GRIK4: variants seen among roughly 807,000 people sequenced by gnomAD.
GRIK4 encodes glutamate receptor ionotropic, kainate 4.
GRIK4 carries 40 observed loss-of-function variants against 104.9 expected under a neutral mutation model. That is an observed-to-expected ratio of 0.38 (90% confidence interval 0.30 to 0.50). The LOEUF is 0.50. Ranked by LOEUF, GRIK4 falls within the 20% of genes least tolerant of loss-of-function variation. The pLI is 0.93. For missense variants in GRIK4, 1,047 were observed against 1,308.1 expected (o/e 0.80, Z 3.08); for synonymous variants, 485 against 524.9 (o/e 0.92, Z 1.04).
intron 1 of GRIK4, among the ~76,000 whole-genome samples, chr11:120,618,611 G>A (rs1949144626): frequency 6.6e-6 from 1 of 152,210 alleles, no homozygotes; most frequent in African/African-American, 2.4e-5. Flanking sequence ...GGTGTCGTGG[G>A]CCAGGCCCAG....
chr11:120,539,544 A>G (rs898969353), intron 1 of GRIK4, among the ~76,000 whole-genome samples: 5 of 152,200 alleles, frequency 3.3e-5, no homozygotes, highest in African/African-American at 4.8e-5. Flanking sequence ...CCATGTGGCC[A>G]TCGGCTGTGA....
chr11:120,796,221 GAGA>G (rs1433607483), intron 3 of GRIK4, among the ~76,000 whole-genome samples: 2 of 151,988 alleles, frequency 1.3e-5, no homozygotes, highest in Admixed American at 1.3e-4. Context: ...ATTTTTAGTA[GAGA>G]CGGGGTTTCA....
chr11:120,907,718 G>A lies in GRIK4; in HGVS notation c.1476+2225G>A, dbSNP rs557855760. ...GTGCAGGGGAGGCAGAGTGGAAGGC[G>A]TTGTAGGAGAACATCTAGAGGAGAG... On this transcript the variant is annotated intron_variant, in intron 13 of 20. Coordinates refer to ENST00000527524, the MANE Select transcript of GRIK4 (RefSeq NM_014619.5). Among the ~76,000 whole-genome samples the A allele has an allele frequency of 1.9e-3, 283 of 146,050 alleles. 2 individuals are homozygous for A. The South Asian group carries it at 0.021, about 11-fold the overall frequency.
chr11:120,802,840 A>G lies in GRIK4; in HGVS notation c.230A>G (p.Tyr77Cys). 2 of 1,614,212 alleles carry G rather than the reference A, an allele frequency of 1.2e-6. No individual in the cohort carries two copies. The highest frequency in any genetic ancestry group is 1.7e-6 in the Non-Finnish European group (2 of 1,180,016). The change falls in exon 4 of 21, where the codon TAC becomes TGC. Residue 77 changes from tyrosine to cysteine, a missense_variant. Tyr to Cys is a radical substitution (Grantham distance 194, BLOSUM62 -2). Around this residue, in one of 3 missense-constraint regions of GRIK4, gnomAD observed 447 missense variants for 514.9 expected, o/e 0.87. Transcript: ENST00000527524. ...TTTGAGCTTCTCAGAGACAGCGAGT[A>G]CGAGACTGCAGAAACCAGTACGTAG... The part of the protein sequence containing the change: ...DIFELLRDSE[Y>C]ETAETMCQIL...
Position 120,600,419 on chromosome 11 carries a change from G to T in GRIK4, c.-158-53266G>T, listed in dbSNP as rs372341319. ...CAAATCAGCTTTGGCTGCCTGAATG[G>T]CAGCCTTTCAGAGGCAGTGCCTGAG... On this transcript the variant is annotated intron_variant, in intron 1 of 20. Transcript: ENST00000527524. Among the ~76,000 whole-genome samples, 6 of 152,310 alleles carry T rather than the reference G, an allele frequency of 3.9e-5. No individual in the cohort carries two copies. In the East Asian group the frequency reaches 1.2e-3, roughly 29 times the overall value.
In GRIK4 at chr11:120,930,873, A is replaced by G. The variant is rs150826337; in HGVS notation, c.1477-9474A>G. ...CTGAACTTGCAGGAGTAGGCAGACC[A>G]TGAGGGCCAGACTCCCACATGCTGG... On this transcript the variant is annotated intron_variant, in intron 13 of 20. Coordinates refer to ENST00000527524, the MANE Select transcript of GRIK4 (RefSeq NM_014619.5). Among the ~76,000 whole-genome samples the G allele has an allele frequency of 8.5e-4, 130 of 152,286 alleles. 1 individual carries two copies. The highest frequency in any genetic ancestry group is 2.9e-3 in the African/African-American group (121 of 41,568).
In GRIK4 at chr11:120,956,378, A is replaced by AT. The variant is rs949289708; in HGVS notation, c.1701-396dup. Among the ~76,000 whole-genome samples the AT allele has an allele frequency of 4.6e-5, 7 of 151,386 alleles. No homozygotes were observed. Among genetic ancestry groups the AT allele is most frequent in the Non-Finnish European group, 1.0e-4 (7 of 67,846 alleles). On this transcript the variant is annotated intron_variant, in intron 15 of 20. Coordinates refer to ENST00000527524, the MANE Select transcript of GRIK4 (RefSeq NM_014619.5). This position sits in a 1 kb window ranked among gnomAD's most constrained non-coding sequence, Gnocchi z 4.6. Reference sequence around the variant, plus strand: ...CACCATACCTGGCTAATTTTTTTGTATTTTTTAGTAGAGACGGGTTTTCGC... The same window carrying AT: ...CACCATACCTGGCTAATTTTTTTGTATTTTTTTAGTAGAGACGGGTTTTCGC...
At chr11:120,983,546 C>G (rs1944687817) in intron 20 of GRIK4, among the ~76,000 whole-genome samples, 1 of 152,200 alleles carries the variant, frequency 6.6e-6, no homozygotes, top group South Asian at 2.1e-4. Context: ...TGCGTGGCAC[C>G]CAGCTCTCTT....
At chr11:120,972,732 G>A (rs906371243) in intron 19 of GRIK4, among the ~76,000 whole-genome samples, 2 of 152,132 alleles carry the variant, frequency 1.3e-5, no homozygotes, top group Non-Finnish European at 2.9e-5. Context: ...ACTTGTGCAG[G>A]GGCTGTGGGT....
rs1177412764 is a variant in GRIK4 at position 120,802,792 on chromosome 11, A to C, written c.182A>C (p.Lys61Thr). ...RINRAPERLGKAKVEVDIFEL... is the reference protein window; with the variant it reads ...RINRAPERLGTAKVEVDIFEL... ...AACCGCGCTCCTGAGAGGCTGGGCA[A>C]GGCCAAGGTCGAAGTGGACATCTTT... The change falls in exon 4 of 21, where the codon AAG (lysine) becomes ACG (threonine). Residue 61 changes from lysine to threonine, a missense_variant. Around this residue, in one of 3 missense-constraint regions of GRIK4, gnomAD observed 447 missense variants for 514.9 expected, o/e 0.87. Coordinates refer to ENST00000527524, the MANE Select transcript of GRIK4 (RefSeq NM_014619.5). 1 of 1,614,204 alleles carries C rather than the reference A, an allele frequency of 6.2e-7. No individual in the cohort carries two copies. Among genetic ancestry groups the C allele is most frequent in the Admixed American group, 1.7e-5 (1 of 60,032 alleles).
chr11:120,862,299 A>T, intron 9 of GRIK4, 179 bp downstream of exon 9: 1 of 591,478 alleles, frequency 1.7e-6, no homozygotes, highest in Non-Finnish European at 3.0e-6. Flanking sequence ...TTTGGGAAGC[A>T]ATGAGCTGTA....
intron 1 of GRIK4, among the ~76,000 whole-genome samples, chr11:120,579,284 G>A (rs1948533155): frequency 6.6e-6 from 1 of 151,972 alleles, no homozygotes; most frequent in Non-Finnish European, 1.5e-5. Context: ...GGGGGCAGGT[G>A]CTTTGTAGGG....
rs1037310319 is a variant in GRIK4, at chr11:120,843,230, C to T, written c.744+6386C>T. Among the ~76,000 whole-genome samples, 4 of 152,258 alleles carry T rather than the reference C, an allele frequency of 2.6e-5. 1 individual carries two copies. Among genetic ancestry groups the T allele is most frequent in the Non-Finnish European group, 4.4e-5 (3 of 68,050 alleles). On this transcript the variant is annotated intron_variant, in intron 8 of 20. Transcript: ENST00000527524. Reference sequence around the variant, plus strand: ...GGACTCCAGCGCCACCATTTCATTGCCATGCCCCAGGCAGGGCCAGAGCTC... The same window carrying T: ...GGACTCCAGCGCCACCATTTCATTGTCATGCCCCAGGCAGGGCCAGAGCTC...
chr11:120,827,844 A>G (rs1005803494), intron 6 of GRIK4, among the ~76,000 whole-genome samples: 5 of 151,996 alleles, frequency 3.3e-5, no homozygotes, highest in Non-Finnish European at 1.5e-5. Flanking sequence ...TTCCTTGACT[A>G]CCTCCAGTGA....
intron 16 of GRIK4, among the ~76,000 whole-genome samples, chr11:120,960,101 C>T (rs966152033): frequency 2.6e-4 from 40 of 152,198 alleles, no homozygotes; most frequent in Admixed American, 7.2e-4. Flanking sequence ...GAGGCCAAGG[C>T]GGGTGGATCA....
intron 20 of GRIK4, among the ~76,000 whole-genome samples, chr11:120,983,768 C>T (rs1375543789): frequency 3.3e-5 from 5 of 152,192 alleles, no homozygotes; most frequent in East Asian, 1.9e-4. Context: ...TTACACACCA[C>T]GCTGCAGTTA....
chr11:120,835,901 C>T (rs944524170), intron 7 of GRIK4, among the ~76,000 whole-genome samples: 1 of 152,214 alleles, frequency 6.6e-6, no homozygotes, highest in Non-Finnish European at 1.5e-5. Context: ...TAGCAGTTCT[C>T]AACTGTGGAG....
intron 8 of GRIK4, among the ~76,000 whole-genome samples, chr11:120,849,296 C>T (rs774778409): frequency 1.8e-4 from 27 of 152,116 alleles, no homozygotes; most frequent in Non-Finnish European, 3.2e-4. Context: ...TATCTCTGGA[C>T]ACATAATGGA....
chr11:120,933,931 G>A (rs961100163), intron 13 of GRIK4, among the ~76,000 whole-genome samples: 8 of 152,104 alleles, frequency 5.3e-5, no homozygotes, highest in South Asian at 2.1e-4. Flanking sequence ...ATAGCCAGGC[G>A]CGGTGGCTCA....
Sources: allele counts gnomAD v4.1 joint callset (sites outside exome capture counted in the v4.1 genomes callset), GRCh38; gene constraint gnomAD v4.1.1; regional missense constraint gnomAD v4.1.1; non-coding constraint Gnocchi (gnomAD v3.1); transcripts MANE v1.5; gene names NCBI Gene and HGNC (gene_info 2026-07-23, HGNC 2026-07-21).